Variants in AMPH observed in about 807,000 individuals in gnomAD.
AMPH encodes the protein amphiphysin.
AMPH carries 49 observed loss-of-function variants against 99.1 expected under a neutral mutation model. That is an observed-to-expected ratio of 0.49 (90% confidence interval 0.39 to 0.63). The LOEUF (loss-of-function observed/expected upper bound fraction) is 0.63, where lower values mean the gene tolerates loss of function less well. Among genes scored for constraint, AMPH ranks in the 20% least tolerant of loss-of-function variants. The pLI, the probability that AMPH is intolerant of heterozygous loss-of-function variation, is 0.00. For missense variants in AMPH, 759 were observed against 863.4 expected, an observed-to-expected ratio of 0.88 and a Z score of 1.52; for synonymous variants, 314 against 317.3, an observed-to-expected ratio of 0.99 and a Z score of 0.11.
intron 1 of AMPH, among the ~76,000 whole-genome samples, chr7:38,614,113 A>G (rs529743555): frequency 6.6e-6 from 1 of 152,340 alleles, no homozygotes; most frequent in South Asian, 2.1e-4. Flanking sequence ...CACCTTCTGC[A>G]CATCTCCCAC....
chr7:38,432,387 G>GTA (rs1786066101), intron 12 of AMPH, among the ~76,000 whole-genome samples, 175 bp from the exon 13 acceptor site: 1 of 152,056 alleles, frequency 6.6e-6, no homozygotes, highest in Non-Finnish European at 1.5e-5. Context: ...ATCCAGTATG[G>GTA]TAGCCACCAG....
At chr7:38,540,101 T>C (rs1288673350) in intron 1 of AMPH, among the ~76,000 whole-genome samples, 1 of 152,212 alleles carries the variant, frequency 6.6e-6, no homozygotes, top group Non-Finnish European at 1.5e-5. Context: ...ATTTATGTAT[T>C]TGATATGCAG....
intron 2 of AMPH, among the ~76,000 whole-genome samples, chr7:38,523,622 ATAAT>A (rs902007865): frequency 2.0e-5 from 3 of 152,224 alleles, no homozygotes; most frequent in Non-Finnish European, 2.9e-5. Context: ...ACATGCTGAT[ATAAT>A]TAATTAATTA....
At chr7:38,485,559 T>C (rs1788457777) in intron 5 of AMPH, among the ~76,000 whole-genome samples, 1 of 151,868 alleles carries the variant, frequency 6.6e-6, no homozygotes, top group Non-Finnish European at 1.5e-5. Context: ...CAATTTCAAT[T>C]ACAATTTCAA....
chr7:38,404,844 A>C (rs1035966787), intron 17 of AMPH, among the ~76,000 whole-genome samples: 2 of 152,216 alleles, frequency 1.3e-5, no homozygotes, highest in Non-Finnish European at 2.9e-5. Flanking sequence ...ATTCAGATAC[A>C]AAAAACTCAG....
At position 38,394,029 on chromosome 7, in the gene AMPH, C is replaced by G; in HGVS notation, c.1584G>C (p.Glu528Asp). ...CCTGAGGCACTGTTGCTTCGAGCTC[C>G]TCTGCTTCAGGTTGGGCACTCTCTG... ...EGAESAQPEA[E>D]ELEATVPQEK... Residue 528 changes from glutamate (E) to aspartate (D), a missense_variant, in exon 18 of 21, where the codon GAG becomes GAC. Around this residue, in one of 2 missense-constraint regions of AMPH, gnomAD observed 554 missense variants for 575.6 expected, o/e 0.96. Transcript: ENST00000356264. 6.2e-7 allele frequency: 1 copy of G among 1,614,208 alleles called. No homozygotes were observed. The highest frequency in any genetic ancestry group is 1.1e-5 in the South Asian group (1 of 91,080).
chr7:38,385,893 T>C (rs934341312), intron 20 of AMPH, among the ~76,000 whole-genome samples: 6 of 152,300 alleles, frequency 3.9e-5, no homozygotes, highest in Admixed American at 1.3e-4. Flanking sequence ...GGGAAATGAC[T>C]ATCTTTATTA....
chr7:38,558,576 T>C (rs900450181), intron 1 of AMPH, among the ~76,000 whole-genome samples: 1 of 152,130 alleles, frequency 6.6e-6, no homozygotes, highest in Non-Finnish European at 1.5e-5. Flanking sequence ...ACAGGAATAA[T>C]GATGGGAAGG....
chr7:38,399,193 C>A (rs1784774855), intron 17 of AMPH, among the ~76,000 whole-genome samples: 1 of 152,200 alleles, frequency 6.6e-6, no homozygotes, highest in African/African-American at 2.4e-5. Context: ...ACTTTGAGTC[C>A]ATTAGTAATG....
chr7:38,548,134 T>G (rs1243014821), intron 1 of AMPH, among the ~76,000 whole-genome samples: 2 of 151,716 alleles, frequency 1.3e-5, no homozygotes, highest in Non-Finnish European at 2.9e-5. Context: ...GTTCACGCCA[T>G]TCTCCTGCCT....
At chr7:38,628,794 G>GT (rs1328043891) in intron 1 of AMPH, among the ~76,000 whole-genome samples, 3 of 152,064 alleles carry the variant, frequency 2.0e-5, no homozygotes, top group Non-Finnish European at 4.4e-5. Context: ...CAGCCTTGTG[G>GT]TTTTTTTCTG....
rs1018784443 is a variant in AMPH at position 38,465,526 on chromosome 7, C to T, written c.690G>A (p.Val230=). ...IAVLCHKLYE[V]MTKLGDQHAD... Reference sequence around the variant, plus strand: ...CGTGCTGGTCACCCAGTTTTGTCATCACTTCATACAGTTTGTGGCAAAGCT... The same window carrying T: ...CGTGCTGGTCACCCAGTTTTGTCATTACTTCATACAGTTTGTGGCAAAGCT... Residue 230 remains valine (V), a synonymous_variant, in exon 9 of 21, where the codon GTG becomes GTA. Transcript: ENST00000356264. 2 of 1,584,368 alleles carry T rather than the reference C, an allele frequency of 1.3e-6. No homozygotes were observed. Among genetic ancestry groups the T allele is most frequent in the Admixed American group, 3.6e-5 (2 of 55,954 alleles).
intron 14 of AMPH, chr7:38,428,983 T>C: frequency 4.7e-6 from 6 of 1,285,344 alleles, no homozygotes; most frequent in Non-Finnish European, 6.1e-6. Context: ...CTGTTTCCTG[T>C]CCTTTCACAT....
At chr7:38,555,686 T>A (rs937632892) in intron 1 of AMPH, among the ~76,000 whole-genome samples, 1 of 152,188 alleles carries the variant, frequency 6.6e-6, no homozygotes, top group African/African-American at 2.4e-5. Context: ...TTCTGTATGA[T>A]AATAAGAAAA....
At chr7:38,456,424 A>G (rs1217887225) in intron 11 of AMPH, among the ~76,000 whole-genome samples, 7 of 152,168 alleles carry the variant, frequency 4.6e-5, no homozygotes, top group Admixed American at 1.3e-4. Flanking sequence ...TATTGGATCA[A>G]TCTTGTCACC....
intron 1 of AMPH, among the ~76,000 whole-genome samples, chr7:38,538,948 T>C (rs900485367): frequency 6.6e-6 from 1 of 152,148 alleles, no homozygotes; most frequent in Non-Finnish European, 1.5e-5. Flanking sequence ...TGAGCTACAC[T>C]TATACTTTGG....
chr7:38,481,617 A>T (rs997855308), intron 5 of AMPH, among the ~76,000 whole-genome samples: 1 of 152,158 alleles, frequency 6.6e-6, no homozygotes, highest in African/African-American at 2.4e-5. Context: ...AATGCTGCAT[A>T]ACAGAAACCA....
chr7:38,467,710 T>C (rs1358651562), intron 7 of AMPH, among the ~76,000 whole-genome samples: 2 of 148,630 alleles, frequency 1.3e-5, no homozygotes, highest in Admixed American at 1.4e-4. Flanking sequence ...ATATATATAT[T>C]AGAAATAAGC....
intron 1 of AMPH, among the ~76,000 whole-genome samples, chr7:38,580,087 T>C (rs1792389264): frequency 6.6e-6 from 1 of 152,226 alleles, no homozygotes; most frequent in Admixed American, 6.5e-5. Context: ...ACATCAATTT[T>C]ACATAAATAA....
Sources: allele counts gnomAD v4.1 joint callset (sites outside exome capture counted in the v4.1 genomes callset), GRCh38; gene constraint gnomAD v4.1.1; regional missense constraint gnomAD v4.1.1; transcripts MANE v1.5; gene names NCBI Gene and HGNC (gene_info 2026-07-23, HGNC 2026-07-21).